PLCE1: variants seen among roughly 807,000 people sequenced by gnomAD.
PLCE1 encodes 1-phosphatidylinositol 4,5-bisphosphate phosphodiesterase epsilon-1.
Under a neutral mutation model 242.8 loss-of-function variants are expected in PLCE1, and 119 were observed. The ratio of observed to expected loss-of-function variants is 0.49; its 90% CI spans 0.42 to 0.57. The LOEUF is 0.57. Among genes scored for constraint, PLCE1 ranks in the 20% least tolerant of loss-of-function variants. PLCE1 has a pLI of 0.00. For synonymous variants in PLCE1, 945 were observed against 1,017.4 expected (o/e 0.93, Z 1.35); for missense variants, 2,441 against 2,788.8 (o/e 0.88, Z 2.81).
At chr10:94,024,721 T>C (rs904300171) in intron 1 of PLCE1, among the ~76,000 whole-genome samples, 4 of 152,148 alleles carry the variant, frequency 2.6e-5, no homozygotes, top group African/African-American at 9.6e-5. Context: ...TTTCATATTT[T>C]TCTAACTTAA....
intron 20 of PLCE1, among the ~76,000 whole-genome samples, chr10:94,281,215 C>T (rs1021987850): frequency 4.6e-5 from 7 of 152,156 alleles, no homozygotes; most frequent in African/African-American, 1.7e-4. Flanking sequence ...ATAAAAATCA[C>T]ACCTAAGAAA....
At chr10:94,265,137 AG>A (rs1249209186) in intron 14 of PLCE1, among the ~76,000 whole-genome samples, 1 of 152,230 alleles carries the variant, frequency 6.6e-6, no homozygotes, top group African/African-American at 2.4e-5. Context: ...AAATGAGTCT[AG>A]GTTTCAACCT....
chr10:94,050,563 G>C (rs577469252), intron 2 of PLCE1, among the ~76,000 whole-genome samples: 2 of 152,158 alleles, frequency 1.3e-5, no homozygotes, highest in South Asian at 4.2e-4. Flanking sequence ...ACCTAGGTAA[G>C]TACATCCCAT....
At chr10:94,296,707 A>G (rs1433143838) in intron 23 of PLCE1, among the ~76,000 whole-genome samples, 1 of 152,194 alleles carries the variant, frequency 6.6e-6, no homozygotes, top group African/African-American at 2.4e-5. Context: ...TGGCTTCCTT[A>G]TCATTTGTGT....
At chr10:94,076,133 G>A (rs958682842) in intron 2 of PLCE1, among the ~76,000 whole-genome samples, 6 of 129,424 alleles carry the variant, frequency 4.6e-5, no homozygotes, top group African/African-American at 9.9e-5. Context: ...GTGTGCGTGC[G>A]TGTGTGTGTG....
intron 3 of PLCE1, among the ~76,000 whole-genome samples, chr10:94,132,946 TC>T (rs2046650600): frequency 1.3e-5 from 1 of 78,962 alleles, no homozygotes; most frequent in Non-Finnish European, 2.3e-5. Flanking sequence ...TGAGACTCCA[TC>T]TCAAAAAAAA....
At chr10:94,151,605 A>G (rs534841868) in intron 3 of PLCE1, among the ~76,000 whole-genome samples, 1 of 152,286 alleles carries the variant, frequency 6.6e-6, no homozygotes, top group African/African-American at 2.4e-5. Flanking sequence ...ACACATTTAT[A>G]AGCCATCTGC....
At position 94,298,838 on chromosome 10, in the gene PLCE1, C is replaced by T. The variant is rs982593920; in HGVS notation, c.5458+169C>T. Among the ~76,000 whole-genome samples the T allele has an allele frequency of 4.6e-5, 7 of 152,078 alleles. No homozygotes were observed. The highest frequency in any genetic ancestry group is 9.7e-5 in the African/African-American group (4 of 41,390). ...TGAATTTGATACTGAATTGTGCCTC[C>T]GATGTTTCAGATTAAGGTGATAGAA... On this transcript the variant is annotated intron_variant, in intron 24 of 32. Transcript: ENST00000371380. The surrounding 1 kb of genome is among the most constrained non-coding windows in gnomAD (Gnocchi z 5.2).
intron 1 of PLCE1, among the ~76,000 whole-genome samples, chr10:93,997,687 A>G (rs563896236): frequency 7.7e-6 from 1 of 129,174 alleles, no homozygotes; most frequent in East Asian, 2.3e-4. Flanking sequence ...GCTTTAACTC[A>G]GCTCATTAGA....
At chr10:94,065,027 T>C (rs139012339) in intron 2 of PLCE1, among the ~76,000 whole-genome samples, 1 of 152,364 alleles carries the variant, frequency 6.6e-6, no homozygotes, top group East Asian at 1.9e-4. Flanking sequence ...TGTTTCTCAC[T>C]TGCTCCTTAG....
intron 7 of PLCE1, 59 bp downstream of exon 7, chr10:94,236,179 G>A: frequency 7.0e-7 from 1 of 1,427,002 alleles, no homozygotes; most frequent in Middle Eastern, 1.7e-4. Flanking sequence ...CTGTTGATGA[G>A]TTGTTTCCTA....
At chr10:94,321,461 G>A (rs1326836693) in intron 29 of PLCE1, among the ~76,000 whole-genome samples, 2 of 152,048 alleles carry the variant, frequency 1.3e-5, no homozygotes, top group African/African-American at 4.8e-5. Context: ...GCGAAACCCT[G>A]TCTCTATTAA....
chr10:94,299,425 A>G (rs947578679), intron 24 of PLCE1, among the ~76,000 whole-genome samples: 4 of 152,214 alleles, frequency 2.6e-5, no homozygotes, highest in Non-Finnish European at 5.9e-5. Flanking sequence ...AGGTTGCAGG[A>G]TGACTTGTAG....
intron 4 of PLCE1, among the ~76,000 whole-genome samples, chr10:94,213,638 C>T (rs1442491355): frequency 6.6e-6 from 1 of 152,266 alleles, no homozygotes; most frequent in African/African-American, 2.4e-5. Context: ...TCCTCTGCCT[C>T]TCCTTTCTGG....
chr10:94,187,146 A>ATG (rs372501153), intron 4 of PLCE1, among the ~76,000 whole-genome samples: 36,588 of 145,242 alleles, frequency 0.25, 4,708 homozygotes, highest in Non-Finnish European at 0.31. Flanking sequence ...TGAAACATAT[A>ATG]TGTGTGTGTG....
chr10:94,038,253 G>A (rs572362023), intron 2 of PLCE1, among the ~76,000 whole-genome samples: 18 of 152,176 alleles, frequency 1.2e-4, no homozygotes, highest in East Asian at 5.8e-4. Flanking sequence ...AAGCATCAGT[G>A]GGGGGAGGTG....
intron 3 of PLCE1, among the ~76,000 whole-genome samples, chr10:94,150,762 C>A (rs1161185887): frequency 6.6e-6 from 1 of 152,108 alleles, no homozygotes; most frequent in Non-Finnish European, 1.5e-5. Flanking sequence ...TGAGTACATC[C>A]CACTTCAGAG....
Position 94,324,989 on chromosome 10 carries a change from C to T in PLCE1, c.6818C>T (p.Ser2273Phe). The change falls in exon 32 of 33, where the codon TCT becomes TTT. Residue 2273 changes from serine (S) to phenylalanine (F), a missense_variant. Ser to Phe is a radical substitution (Grantham distance 155). Around this residue, in one of 5 missense-constraint regions of PLCE1, gnomAD observed 310 missense variants for 317.2 expected, o/e 0.98. Coordinates refer to ENST00000371380, the MANE Select transcript of PLCE1 (RefSeq NM_016341.4). ...CAGCCCCGAGGACTTACATCACCTT[C>T]TCAGCTCTTGACCTCAGAAAGTATC... ...TKQPRGLTSP[S>F]QLLTSESIQT... 1 of 1,614,182 alleles carries T rather than the reference C, an allele frequency of 6.2e-7. No homozygotes were observed. Among genetic ancestry groups the T allele is most frequent in the Non-Finnish European group, 8.5e-7 (1 of 1,180,006 alleles).
At chr10:94,211,288 A>C (rs2049323492) in intron 4 of PLCE1, among the ~76,000 whole-genome samples, 1 of 152,214 alleles carries the variant, frequency 6.6e-6, no homozygotes, top group African/African-American at 2.4e-5. Context: ...GAAGGCCTAC[A>C]GAGGGAGGGC....
Sources: gnomAD v4.1 joint callset for allele counts (sites outside exome capture counted in the v4.1 genomes callset) on GRCh38, gnomAD v4.1.1 for gene constraint, gnomAD v4.1.1 regional missense constraint, Gnocchi (gnomAD v3.1) non-coding constraint, MANE v1.5 for transcripts, NCBI Gene and HGNC (gene_info 2026-07-23, HGNC 2026-07-21) for gene names.